Variants in GAS2 observed in about 807,000 individuals in gnomAD.
The protein encoded by GAS2 is growth arrest specific 2.
A neutral mutation model predicts 37.5 loss-of-function variants in GAS2; 20 were observed. That is an observed-to-expected ratio of 0.53 (90% CI 0.37 to 0.77). The LOEUF is 0.77. Ranked by LOEUF, GAS2 falls within the 30% of genes least tolerant of loss-of-function variation. The pLI is 0.00. For synonymous variants in GAS2, 144 were observed against 132.2 expected (o/e 1.09, Z -0.61); for missense variants, 336 against 373.4 (o/e 0.90, Z 0.82).
chr11:22,643,302 C>T lies in GAS2; in HGVS notation c.-21+17489C>T, dbSNP rs143334692. 8.7e-3 allele frequency among the ~76,000 whole-genome samples: 1,326 copies of T among 151,926 alleles called. 5 individuals are homozygous for T. Among genetic ancestry groups the T allele is most frequent in the South Asian group, 0.025 (118 of 4,808 alleles). The stretch of plus-strand genomic sequence containing the variant: ...GAAATTATCCTCTTCCTTAAATAAT[C>T]GTCAGTTCAATGCCCAGAATCTGAG... On this transcript the variant is annotated intron_variant, in intron 1 of 5. Coordinates refer to the GAS2 transcript ENST00000528582.
intron 4 of GAS2, 53 bp downstream of exon 4, chr11:22,726,486 T>A: frequency 6.5e-7 from 1 of 1,532,136 alleles, no homozygotes; most frequent in Admixed American, 1.9e-5. Flanking sequence ...TTATCTTTTG[T>A]CTTTGTCAGT....
intron 4 of GAS2, among the ~76,000 whole-genome samples, chr11:22,737,209 G>A (rs1275949900): frequency 6.6e-6 from 1 of 152,098 alleles, no homozygotes; most frequent in Non-Finnish European, 1.5e-5. Flanking sequence ...ATCTTTGGAG[G>A]ATAACAAAGG....
At chr11:22,690,801 G>T (rs1036776172) in intron 3 of GAS2, among the ~76,000 whole-genome samples, 1 of 152,042 alleles carries the variant, frequency 6.6e-6, no homozygotes, top group African/African-American at 2.4e-5. Context: ...ACATTTATGC[G>T]TGAACTTTCT....
chr11:22,690,778 C>G (rs1203337190), intron 3 of GAS2, among the ~76,000 whole-genome samples: 1 of 152,128 alleles, frequency 6.6e-6, no homozygotes, highest in African/African-American at 2.4e-5. Flanking sequence ...CTAATCAAGA[C>G]AGGGGAATTG....
upstream of GAS2, among the ~76,000 whole-genome samples, chr11:22,663,756 G>A (rs550398958): frequency 1.1e-4 from 17 of 152,000 alleles, no homozygotes; most frequent in African/African-American, 2.7e-4. Flanking sequence ...AGCATTTATC[G>A]TTTAAAATTT....
intron 1 of GAS2, among the ~76,000 whole-genome samples, chr11:22,656,650 A>T (rs1848858706): frequency 6.6e-6 from 1 of 152,198 alleles, no homozygotes; most frequent in Non-Finnish European, 1.5e-5. Flanking sequence ...TCATCCCCAT[A>T]CTTTATTAAT....
At chr11:22,805,919 C>T (rs12271805) in intron 7 of GAS2, among the ~76,000 whole-genome samples, 32,294 of 151,882 alleles carry the variant, frequency 0.21, 4,493 homozygotes, top group African/African-American at 0.4. Context: ...GTGAGGATGA[C>T]CAGAGGTCAC....
At chr11:22,678,651 T>C (rs1849544860) in intron 2 of GAS2, among the ~76,000 whole-genome samples, 2 of 152,034 alleles carry the variant, frequency 1.3e-5, no homozygotes, top group East Asian at 1.9e-4. Context: ...TTTCCTTTTA[T>C]GTTTTTCAAA....
intron 3 of GAS2, among the ~76,000 whole-genome samples, chr11:22,720,735 A>G (rs1339843000): frequency 6.6e-6 from 1 of 152,098 alleles, no homozygotes; most frequent in Admixed American, 6.6e-5. Context: ...TTTATATCTC[A>G]AATGTCTACT....
chr11:22,676,813 A>C (rs1245483572), intron 2 of GAS2, among the ~76,000 whole-genome samples: 1 of 152,194 alleles, frequency 6.6e-6, no homozygotes, highest in Non-Finnish European at 1.5e-5. Context: ...TTTCAATTCA[A>C]ATCTTGGTTT....
In GAS2 at chr11:22,774,559, G is replaced by T. The variant is rs150860495; in HGVS notation, c.723+18606G>T. 1.2e-3 allele frequency among the ~76,000 whole-genome samples: 181 copies of T among 152,314 alleles called. 1 individual carries two copies. The highest frequency in any genetic ancestry group is 4.1e-3 in the African/African-American group (171 of 41,574). On this transcript the variant is annotated intron_variant, in intron 7 of 7. Coordinates refer to ENST00000454584, the MANE Select transcript of GAS2 (RefSeq NM_001143830.3). ...TCCTAGATTTTTTTGGTAGCAAAGT[G>T]CTTGAAGATTGGGAGACCAAAACTG...
At chr11:22,633,072 C>T (rs1413162643) in intron 1 of GAS2, among the ~76,000 whole-genome samples, 5 of 152,042 alleles carry the variant, frequency 3.3e-5, no homozygotes, top group Non-Finnish European at 7.4e-5. Flanking sequence ...AAGATTTCAT[C>T]TTAGTTTGGA....
intron 7 of GAS2, among the ~76,000 whole-genome samples, chr11:22,789,425 G>GATATATAAATATATATATATATAA (rs1856010650): frequency 6.5e-5 from 2 of 30,662 alleles, no homozygotes; most frequent in Non-Finnish European, 1.4e-4. Context: ...TCTCATATGA[G>GATATATAAATATATATATATATAA]ATATATATAT....
chr11:22,744,915 C>T (rs115640263), intron 5 of GAS2, among the ~76,000 whole-genome samples: 2,102 of 151,998 alleles, frequency 0.014, 56 homozygotes, highest in African/African-American at 0.048. Context: ...ATACATCTAA[C>T]TAGAGAAGTG....
chr11:22,718,249 A>T (rs1316331834), intron 3 of GAS2, among the ~76,000 whole-genome samples: 1 of 152,028 alleles, frequency 6.6e-6, no homozygotes, highest in Admixed American at 6.6e-5. Context: ...GTAGATAAAG[A>T]AAATGTGTCA....
chr11:22,674,915 T>C lies in GAS2; in HGVS notation c.46T>C (p.Ser16Pro). 2 of 1,613,730 alleles carry C rather than the reference T, an allele frequency of 1.2e-6. No individual in the cohort carries two copies. Among genetic ancestry groups the C allele is most frequent in the Non-Finnish European group, 1.7e-6 (2 of 1,179,776 alleles). The change falls in exon 2 of 8, where the codon TCT becomes CCT. Residue 16 changes from serine to proline, a missense_variant. Ser to Pro is a moderately conservative substitution (Grantham distance 74). Coordinates refer to ENST00000454584, the MANE Select transcript of GAS2 (RefSeq NM_001143830.3). ...SPKVRSGPGL[S>P]DMHQYSQWLA... is the part of the protein sequence containing the mutation. ...AAAGGTACGCAGTGGACCTGGCCTC[T>C]CTGATATGCATCAGTATAGCCAATG...
intron 3 of GAS2, among the ~76,000 whole-genome samples, chr11:22,717,110 A>G (rs1449592869): frequency 6.7e-6 from 1 of 148,380 alleles, no homozygotes; most frequent in Non-Finnish European, 1.5e-5. Flanking sequence ...TCCCATCAAA[A>G]TACAATCATC....
At chr11:22,713,891 A>G (rs895222182) in intron 3 of GAS2, among the ~76,000 whole-genome samples, 1 of 152,204 alleles carries the variant, frequency 6.6e-6, no homozygotes, top group Non-Finnish European at 1.5e-5. Flanking sequence ...ATACACAAAA[A>G]TAGAATGTCC....
At chr11:22,643,140 T>C (rs542172358) in intron 1 of GAS2, among the ~76,000 whole-genome samples, 5 of 152,098 alleles carry the variant, frequency 3.3e-5, no homozygotes, top group Admixed American at 2.0e-4. Flanking sequence ...CAGCTTTGGG[T>C]TGGCTGGTTT....
Sources: gnomAD v4.1 joint callset for allele counts (sites outside exome capture counted in the v4.1 genomes callset) on GRCh38, gnomAD v4.1.1 for gene constraint, MANE v1.5 for transcripts, NCBI Gene and HGNC (gene_info 2026-07-23, HGNC 2026-07-21) for gene names.